DNPEP: variants seen among roughly 807,000 people sequenced by gnomAD.
DNPEP encodes aspartyl aminopeptidase.
A neutral mutation model predicts 59.1 loss-of-function variants in DNPEP; 46 were observed. That is an observed-to-expected ratio of 0.78 (90% CI 0.61 to 0.99). The LOEUF is 0.99. DNPEP is among the 50% of genes least tolerant of loss of function. DNPEP has a pLI of 0.00. For synonymous variants in DNPEP, 229 were observed against 242.2 expected, an observed-to-expected ratio of 0.95 and a Z score of 0.50; for missense variants, 617 against 649.9, an observed-to-expected ratio of 0.95 and a Z score of 0.55.
chr2:219,381,652 C>T, intron 11 of DNPEP, 68 bp from the exon 12 acceptor site: 1 of 1,498,366 alleles, frequency 6.7e-7, no homozygotes, highest in Non-Finnish European at 9.3e-7. Flanking sequence ...ACCACCCTCC[C>T]ATGGCAGACA....
At chr2:219,382,994 G>A in intron 10 of DNPEP, 137 bp downstream of exon 10, 1 of 653,888 alleles carries the variant, frequency 1.5e-6, no homozygotes, top group South Asian at 1.8e-5. Context: ...GAGACACCAA[G>A]TGCTAAGGAG....
upstream of DNPEP, among the ~76,000 whole-genome samples, chr2:219,390,494 T>C (rs760949367): frequency 6.6e-6 from 1 of 152,190 alleles, no homozygotes; most frequent in Non-Finnish European, 1.5e-5. Context: ...GCAAGAAATA[T>C]TGTTAAATTT....
chr2:219,396,652 T>C (rs1954101782), intron 1 of DNPEP, among the ~76,000 whole-genome samples: 1 of 152,132 alleles, frequency 6.6e-6, no homozygotes, highest in Non-Finnish European at 1.5e-5. Context: ...AAATATTGCA[T>C]GGGATATGCT....
intron 13 of DNPEP, among the ~76,000 whole-genome samples, chr2:219,380,881 T>C (rs112264384): frequency 0.037 from 1,719 of 47,042 alleles, 20 homozygotes; most frequent in Non-Finnish European, 0.075. Context: ...AAGGACTAGA[T>C]GTCTAATTTC....
upstream of DNPEP, among the ~76,000 whole-genome samples, chr2:219,390,359 T>C (rs1183157476): frequency 6.6e-6 from 1 of 152,194 alleles, no homozygotes; most frequent in African/African-American, 2.4e-5. Context: ...AAGGGTAGCC[T>C]AATTTAAAAA....
rs754495443 is a variant in DNPEP at position 219,387,806 on chromosome 2, G to A, written c.-12C>T. 6.3e-7 allele frequency: 1 copy of A among 1,580,072 alleles called. No individual in the cohort carries two copies. Among genetic ancestry groups the A allele is most frequent in the Admixed American group, 1.8e-5 (1 of 56,158 alleles). On this transcript the variant is annotated 5_prime_UTR_variant, in exon 1 of 15. Transcript: ENST00000273075. ...CTGTGTCCGCTCATCTGGCCTCCGGGCTCGGCCCGCCCCCACCGCGCCGCC... is the reference window on the plus strand; with the variant it reads ...CTGTGTCCGCTCATCTGGCCTCCGGACTCGGCCCGCCCCCACCGCGCCGCC...
At chr2:219,399,842 C>T in intron 1 of DNPEP, 2 of 1,549,180 alleles carry the variant, frequency 1.3e-6, no homozygotes, top group Non-Finnish European at 1.7e-6. Flanking sequence ...TGGCTGGCCA[C>T]AGAACTAGAC....
At chr2:219,388,110 CGCCCCTCGCCAGGAAGCACCGCCCGCCCT>C (rs1179304867), upstream of DNPEP, 1 of 288,326 alleles carries the variant, frequency 3.5e-6, no homozygotes, top group Non-Finnish European at 6.0e-6. Flanking sequence ...CGCCCCGCCC[CGCCCCTCGCCAGGAAGCACCGCCCGCCCT>C]GCCCCTCGCA....
intron 1 of DNPEP, among the ~76,000 whole-genome samples, chr2:219,394,614 T>C (rs935891929): frequency 1.1e-4 from 16 of 152,126 alleles, no homozygotes; most frequent in African/African-American, 3.4e-4. Flanking sequence ...CAGGGCTCAG[T>C]GCTTAGAAAT....
In DNPEP at chr2:219,373,087, TGA is replaced by T. The variant is rs902858926; in HGVS notation, c.*1203_*1204del. Among the ~76,000 whole-genome samples the T allele has an allele frequency of 6.6e-6, 1 of 151,634 alleles. No individual in the cohort carries two copies. The highest frequency in any genetic ancestry group is 1.5e-5 in the Non-Finnish European group (1 of 67,892). ...CTTTTTCTTTTTCTTTTTTTTTTTT[TGA>T]GAGAGTTTCACCCTTGTTGCCCAGG... is the stretch of plus-strand genomic sequence containing the variant. On this transcript the variant is annotated 3_prime_UTR_variant, in exon 15 of 15. Transcript: ENST00000273075.
upstream of DNPEP, among the ~76,000 whole-genome samples, chr2:219,389,769 G>T (rs536542844): frequency 2.0e-5 from 3 of 151,110 alleles, no homozygotes; most frequent in Non-Finnish European, 4.4e-5. Flanking sequence ...GGAGGTGGAG[G>T]TTGCAGTGAG....
rs186702343 is a variant in DNPEP at position 219,385,618 on chromosome 2, G to A, written c.666+13C>T. On this transcript the variant is annotated intron_variant, in intron 7 of 14. Coordinates refer to ENST00000273075, the MANE Select transcript of DNPEP (RefSeq NM_012100.4). Reference sequence around the variant, plus strand: ...ACTCTGCCGCCCTCCCCATGATCAGGAGACTCTCTTACCACAGCATTGAGA... The same window carrying A: ...ACTCTGCCGCCCTCCCCATGATCAGAAGACTCTCTTACCACAGCATTGAGA... 95 of 1,612,846 alleles carry A rather than the reference G, an allele frequency of 5.9e-5. No homozygotes were observed. The East Asian group carries it at 1.3e-3, about 22-fold the overall frequency.
chr2:219,377,258 A>C (rs1009523519), intron 13 of DNPEP, among the ~76,000 whole-genome samples: 1 of 118,526 alleles, frequency 8.4e-6, no homozygotes, highest in African/African-American at 3.2e-5. Flanking sequence ...TGGGCGACAG[A>C]GTGAAACTCT....
At chr2:219,387,939 T>A, upstream of DNPEP, 1 of 1,344,404 alleles carries the variant, frequency 7.4e-7, no homozygotes, top group Non-Finnish European at 9.5e-7. Context: ...CGCCCCATGT[T>A]TGGCCTCCCC....
At chr2:219,374,490 G>C (rs867022193) in intron 14 of DNPEP, 148 bp from the exon 15 acceptor site, 1 of 728,752 alleles carries the variant, frequency 1.4e-6, no homozygotes, top group Middle Eastern at 3.6e-4. Context: ...TCTCAGCCCT[G>C]ATCCCCTCTT....
chr2:219,384,323 CTGCTGGTGGTTATG>C, intron 9 of DNPEP, 29 bp downstream of exon 9: 1 of 1,560,014 alleles, frequency 6.4e-7, no homozygotes, highest in South Asian at 1.2e-5. Context: ...CATACCACCT[CTGCTGGTGGTTATG>C]TGCTGCCTGG....
rs368215050 is a variant in DNPEP, at chr2:219,382,150, T to C, written c.937-11A>G. On this transcript the variant is annotated splice_polypyrimidine_tract_variant and intron_variant, in intron 10 of 14. Transcript: ENST00000273075. ...ACTCTCAGACCCCACCTGGCGACAG[T>C]AGAGTCCTGACTCTGGGAATCTGGG... 42 of 1,606,186 alleles carry C rather than the reference T, an allele frequency of 2.6e-5. No homozygotes were observed. Among genetic ancestry groups the C allele is most frequent in the African/African-American group, 1.2e-4 (9 of 74,920 alleles).
At chr2:219,399,856 C>T in intron 1 of DNPEP, 1 of 1,550,164 alleles carries the variant, frequency 6.5e-7, no homozygotes, top group African/African-American at 1.4e-5. Context: ...ACTAGACAGG[C>T]CCCGGTTACC....
chr2:219,394,831 G>A (rs1954070428), intron 1 of DNPEP, among the ~76,000 whole-genome samples: 1 of 152,044 alleles, frequency 6.6e-6, no homozygotes. Context: ...TGAACTCCTT[G>A]TTCCCCAAAC....
Sources: allele counts gnomAD v4.1 joint callset (sites outside exome capture counted in the v4.1 genomes callset), GRCh38; gene constraint gnomAD v4.1.1; transcripts MANE v1.5; gene names NCBI Gene and HGNC (gene_info 2026-07-23, HGNC 2026-07-21).